BCL7A: variants seen among roughly 807,000 people sequenced by gnomAD.
The protein encoded by BCL7A is BAF chromatin remodeling complex subunit BCL7A.
In BCL7A, 11 loss-of-function variants were observed where a neutral mutation model predicts 28.4. The observed-to-expected ratio is 0.39, with a 90% CI of 0.24 to 0.64. The LOEUF (loss-of-function observed/expected upper bound fraction) is 0.64, where lower values mean the gene tolerates loss of function less well. Among genes scored for constraint, BCL7A ranks in the 30% least tolerant of loss-of-function variants. BCL7A has a pLI of 0.50. For missense variants in BCL7A, 222 were observed against 274.8 expected, an observed-to-expected ratio of 0.81 and a Z score of 1.36; for synonymous variants, 123 against 103.3, an observed-to-expected ratio of 1.19 and a Z score of -1.15.
chr12:122,046,175 G>T (rs897460559), intron 4 of BCL7A, among the ~76,000 whole-genome samples: 10 of 151,960 alleles, frequency 6.6e-5, no homozygotes, highest in South Asian at 2.1e-4. Context: ...TATTTTGAAG[G>T]TGAGGGGAGA....
chr12:122,027,704 G>C (rs1883657707), intron 1 of BCL7A, among the ~76,000 whole-genome samples: 1 of 152,048 alleles, frequency 6.6e-6, no homozygotes, highest in South Asian at 2.1e-4. Flanking sequence ...GGGCGTGGTG[G>C]CATGTGCTTG....
At chr12:122,046,783 G>A (rs1354959887) in intron 4 of BCL7A, among the ~76,000 whole-genome samples, 1 of 152,194 alleles carries the variant, frequency 6.6e-6, no homozygotes, top group Non-Finnish European at 1.5e-5. Flanking sequence ...AGCTGAAGCA[G>A]AAGAGACCCT....
intron 1 of BCL7A, among the ~76,000 whole-genome samples, chr12:122,025,342 A>C: frequency 6.6e-6 from 1 of 151,844 alleles, no homozygotes; most frequent in Middle Eastern, 3.4e-3. Flanking sequence ...AAGAAAAAAA[A>C]GAGCCGGGCG....
intron 5 of BCL7A, among the ~76,000 whole-genome samples, chr12:122,056,289 A>G (rs565336236): frequency 6.6e-6 from 1 of 152,228 alleles, no homozygotes; most frequent in East Asian, 1.9e-4. Flanking sequence ...CCCTGAGAGT[A>G]TCCAATGCTC....
chr12:122,023,802 A>T (rs1883539031), intron 1 of BCL7A, among the ~76,000 whole-genome samples: 1 of 152,242 alleles, frequency 6.6e-6, no homozygotes, highest in African/African-American at 2.4e-5. Flanking sequence ...CTACTGTGGG[A>T]TTCCCCGCGG....
chr12:122,040,039 C>G lies in BCL7A; in HGVS notation c.272-3847C>G, dbSNP rs115375897. 5.2e-3 allele frequency among the ~76,000 whole-genome samples: 788 copies of G among 152,198 alleles called. 9 individuals carry two copies. The highest frequency in any genetic ancestry group is 0.018 in the African/African-American group (744 of 41,518). On this transcript the variant is annotated intron_variant, in intron 3 of 5. Coordinates refer to ENST00000261822, the MANE Select transcript of BCL7A (RefSeq NM_001024808.3). The stretch of plus-strand genomic sequence containing the variant: ...TAAAAACCTTGGCATGTTAACAGCT[C>G]ACATTTATGAAACCGTCACAATGTG...
chr12:122,054,054 G>A (rs1593036814), intron 4 of BCL7A, among the ~76,000 whole-genome samples: 2 of 152,108 alleles, frequency 1.3e-5, no homozygotes, highest in East Asian at 3.8e-4. Context: ...GCAATGGTCA[G>A]TCATTGCTCT....
At chr12:122,025,246 C>G (rs1468976425) in intron 1 of BCL7A, among the ~76,000 whole-genome samples, 2 of 151,394 alleles carry the variant, frequency 1.3e-5, no homozygotes, top group South Asian at 4.2e-4. Flanking sequence ...GCCTGTAATC[C>G]CAGAGCTTTG....
intron 3 of BCL7A, among the ~76,000 whole-genome samples, chr12:122,042,699 G>A (rs988534767): frequency 6.6e-6 from 1 of 151,288 alleles, no homozygotes; most frequent in East Asian, 1.9e-4. Context: ...GACAGTGGCC[G>A]GCAGCCTGCA....
At chr12:122,030,573 G>C (rs1458154542) in intron 1 of BCL7A, 127 bp from the exon 2 acceptor site, 1 of 842,624 alleles carries the variant, frequency 1.2e-6, no homozygotes, top group East Asian at 2.5e-5. Flanking sequence ...CCGCTAGTGA[G>C]GGTGGAGCTG....
At chr12:122,046,973 G>A (rs1884089739) in intron 4 of BCL7A, among the ~76,000 whole-genome samples, 1 of 150,174 alleles carries the variant, frequency 6.7e-6, no homozygotes, top group South Asian at 2.1e-4. Flanking sequence ...ACGTGATCTC[G>A]GCTCACTGCA....
intron 3 of BCL7A, 47 bp downstream of exon 3, chr12:122,035,474 T>C: frequency 1.3e-6 from 2 of 1,526,096 alleles, no homozygotes; most frequent in Non-Finnish European, 1.8e-6. Context: ...CCCGGGGCCT[T>C]GGCCAAGCAC....
At chr12:122,038,940 C>G (rs1048970735) in intron 3 of BCL7A, among the ~76,000 whole-genome samples, 1 of 151,822 alleles carries the variant, frequency 6.6e-6, no homozygotes, top group South Asian at 2.1e-4. Flanking sequence ...TTTGGGAGGC[C>G]GAGTTAGGAG....
At chr12:122,046,506 T>C (rs889849245) in intron 4 of BCL7A, among the ~76,000 whole-genome samples, 5 of 152,172 alleles carry the variant, frequency 3.3e-5, no homozygotes, top group African/African-American at 1.2e-4. Flanking sequence ...CAGTCATAGC[T>C]GCACTCTGCT....
intron 4 of BCL7A, among the ~76,000 whole-genome samples, chr12:122,047,997 G>A (rs538652954): frequency 7.4e-6 from 1 of 135,802 alleles, no homozygotes; most frequent in East Asian, 2.4e-4. Flanking sequence ...TCCACCTCCC[G>A]CGTTCAAGCG....
rs114586292 is a variant in BCL7A, at chr12:122,039,364, G to A, written c.271+3937G>A. Among the ~76,000 whole-genome samples the A allele has an allele frequency of 8.5e-3, 1,261 of 148,262 alleles. 18 individuals carry two copies. Among genetic ancestry groups the A allele is most frequent in the African/African-American group, 0.029 (1,180 of 40,540 alleles). On this transcript the variant is annotated intron_variant, in intron 3 of 5. Coordinates refer to ENST00000261822, the MANE Select transcript of BCL7A (RefSeq NM_001024808.3). ...TTAAATTAGCAGGTTGTGGTGATGC[G>A]CACCTATAGTCACAGCTACTCTGGA...
rs1378209290 is a variant in BCL7A at position 122,059,637 on chromosome 12, C to T, written c.*474C>T. ...TGTATCCTGGTGGTTCTTACATCCC[C>T]CTCTGCAAAGTGCCCTCTTGGTTTG... On this transcript the variant is annotated 3_prime_UTR_variant, in exon 6 of 6. Transcript: ENST00000261822. This position sits in a 1 kb window ranked among gnomAD's most constrained non-coding sequence, Gnocchi z 4.0. The T allele has an allele frequency of 1.3e-5, 3 of 234,044 alleles. No homozygotes were observed. The highest frequency in any genetic ancestry group is 6.0e-5 in the East Asian group (1 of 16,566). The allele number at this position is 234,044 out of a possible 1,614,324, so 14.5% of individuals were successfully genotyped here.
In BCL7A at chr12:122,030,799, G is replaced by A. The variant is rs374614049; in HGVS notation, c.174+18G>A. 7 of 1,610,020 alleles carry A rather than the reference G, an allele frequency of 4.3e-6. No individual in the cohort carries two copies. Among genetic ancestry groups the A allele is most frequent in the Admixed American group, 1.7e-5 (1 of 59,988 alleles). On this transcript the variant is annotated intron_variant, in intron 2 of 5. Coordinates refer to ENST00000261822, the MANE Select transcript of BCL7A (RefSeq NM_001024808.3). The stretch of plus-strand genomic sequence containing the variant: ...TTGATGACGTGAGTATGGAGGGCTG[G>A]TCCCCTGGGGTGGGCCACCCATTCG...
chr12:122,022,189 C>T lies in BCL7A; in HGVS notation c.92+6C>T, dbSNP rs746450309. 4.1e-6 allele frequency: 6 copies of T among 1,461,330 alleles called. No individual in the cohort carries two copies. The African/African-American group carries it at 4.5e-5, about 11-fold the overall frequency. 90.5% of individuals were successfully genotyped at this position (1,461,330 alleles called of 1,614,324 possible). A position where few individuals can be genotyped will look rare whatever the true frequency, so the allele number is the denominator to read the frequency against. On this transcript the variant is annotated splice_donor_region_variant and intron_variant, in intron 1 of 5. Transcript: ENST00000261822. The stretch of plus-strand genomic sequence containing the variant: ...ATCGAGAAAGTGCGCAAATGGTAAG[C>T]GGAGGCGCCCGCCGCCAGCCGCCTC...
Sources: gnomAD v4.1 joint callset for allele counts (sites outside exome capture counted in the v4.1 genomes callset) on GRCh38, gnomAD v4.1.1 for gene constraint, Gnocchi (gnomAD v3.1) non-coding constraint, MANE v1.5 for transcripts, NCBI Gene and HGNC (gene_info 2026-07-23, HGNC 2026-07-21) for gene names.